Variants in TAFA2 observed in about 807,000 individuals in gnomAD.
The protein encoded by TAFA2 is TAFA chemokine like family member 2, also known as chemokine-like protein TAFA-2.
In TAFA2, 7 loss-of-function variants were observed where a neutral mutation model predicts 18.8. The observed-to-expected ratio is 0.37, with a 90% CI of 0.21 to 0.70. The LOEUF (loss-of-function observed/expected upper bound fraction) is 0.70. TAFA2 is among the 30% of genes least tolerant of loss of function. TAFA2 has a pLI of 0.53. For missense variants in TAFA2, 122 were observed against 158.1 expected (o/e 0.77, Z 1.23); for synonymous variants, 60 against 54.2 (o/e 1.11, Z -0.47).
chr12:62,188,080 C>T (rs2062597739), intron 1 of TAFA2, among the ~76,000 whole-genome samples: 1 of 152,080 alleles, frequency 6.6e-6, no homozygotes, highest in African/African-American at 2.4e-5. Flanking sequence ...CTGGTTTGGC[C>T]TTCATATCTA....
At chr12:62,225,134 G>A (rs934617273) in intron 1 of TAFA2, among the ~76,000 whole-genome samples, 2 of 151,924 alleles carry the variant, frequency 1.3e-5, no homozygotes, top group African/African-American at 2.4e-5. Context: ...GGATGGTGGC[G>A]GGCTTAGTTT....
At chr12:62,039,110 G>A (rs1881690003) in intron 1 of TAFA2, among the ~76,000 whole-genome samples, 1 of 152,188 alleles carries the variant, frequency 6.6e-6, no homozygotes, top group South Asian at 2.1e-4. Context: ...TGAGACGTCA[G>A]TGCAGGGAAA....
At chr12:61,838,502 C>T (rs774332406) in intron 2 of TAFA2, among the ~76,000 whole-genome samples, 24 of 152,062 alleles carry the variant, frequency 1.6e-4, no homozygotes, top group Non-Finnish European at 2.8e-4. Context: ...AAGAATCCTT[C>T]GGGATGGAAA....
At chr12:61,980,657 C>T (rs576047867) in intron 1 of TAFA2, among the ~76,000 whole-genome samples, 22 of 152,274 alleles carry the variant, frequency 1.4e-4, no homozygotes, top group Admixed American at 3.3e-4. Flanking sequence ...TTCCTATACA[C>T]CATTAACAGA....
intron 1 of TAFA2, among the ~76,000 whole-genome samples, chr12:62,180,391 C>G (rs934701628): frequency 6.6e-6 from 1 of 152,054 alleles, no homozygotes; most frequent in African/African-American, 2.4e-5. Context: ...ATCAGAGAAT[C>G]CCAAAAATAT....
At chr12:62,047,529 A>G (rs1198567452) in intron 1 of TAFA2, among the ~76,000 whole-genome samples, 3 of 152,194 alleles carry the variant, frequency 2.0e-5, no homozygotes, top group Non-Finnish European at 2.9e-5. Flanking sequence ...GTTAGATGCC[A>G]GGTTTATTTG....
chr12:62,181,710 G>T (rs7312872), intron 1 of TAFA2, among the ~76,000 whole-genome samples: 3,525 of 152,102 alleles, frequency 0.023, 141 homozygotes, highest in African/African-American at 0.079. Context: ...CTTGTGACAT[G>T]AGGTCCTAGA....
At chr12:61,732,210 A>C (rs1870482394) in intron 4 of TAFA2, among the ~76,000 whole-genome samples, 1 of 152,092 alleles carries the variant, frequency 6.6e-6, no homozygotes, top group South Asian at 2.1e-4. Flanking sequence ...TTTTAGGCAG[A>C]GGTAACAGCA....
At chr12:62,151,242 A>T (rs1229242118) in intron 1 of TAFA2, among the ~76,000 whole-genome samples, 3 of 151,968 alleles carry the variant, frequency 2.0e-5, no homozygotes, top group Non-Finnish European at 2.9e-5. Flanking sequence ...ATCAGTACCT[A>T]TCTTGCTTGC....
intron 1 of TAFA2, among the ~76,000 whole-genome samples, chr12:62,173,686 C>G (rs2062493959): frequency 6.6e-6 from 1 of 152,192 alleles, no homozygotes; most frequent in African/African-American, 2.4e-5. Flanking sequence ...AGTTTCTGAT[C>G]TATATGAACC....
chr12:61,859,607 CTAA>C (rs1565659181), intron 2 of TAFA2, among the ~76,000 whole-genome samples: 10 of 152,132 alleles, frequency 6.6e-5, no homozygotes, highest in African/African-American at 2.4e-4. Flanking sequence ...CCATGCCCAG[CTAA>C]TCTTTGTATT....
At chr12:62,035,152 T>G (rs1010459524) in intron 1 of TAFA2, among the ~76,000 whole-genome samples, 2 of 152,208 alleles carry the variant, frequency 1.3e-5, no homozygotes, top group Non-Finnish European at 1.5e-5. Context: ...TGGGTCTAAT[T>G]CTTTGTAAAT....
In TAFA2 at chr12:62,167,954, T is replaced by A. The variant is rs549477104; in HGVS notation, c.-2+23305A>T. ...AATATCTGCAATGGATTGAAATACA[T>A]GAAATATGGCTAAATTCTATAAATT... is the stretch of plus-strand genomic sequence containing the variant. On this transcript the variant is annotated intron_variant, in intron 1 of 4. Transcript: ENST00000416284. Among the ~76,000 whole-genome samples, 22 of 152,324 alleles carry A rather than the reference T, an allele frequency of 1.4e-4. 1 individual carries two copies. The East Asian group carries it at 4.0e-3, about 28-fold the overall frequency.
intron 2 of TAFA2, among the ~76,000 whole-genome samples, chr12:61,825,890 TCCTATC>T (rs2121070546): frequency 6.6e-6 from 1 of 152,156 alleles, no homozygotes; most frequent in South Asian, 2.1e-4. Context: ...AAAAAAGACC[TCCTATC>T]CCTATTTAAG....
intron 2 of TAFA2, among the ~76,000 whole-genome samples, chr12:61,773,059 A>T (rs141051857): frequency 1.9e-3 from 285 of 152,112 alleles, no homozygotes; most frequent in African/African-American, 6.6e-3. Context: ...CTATACACCA[A>T]CAGTGACCAA....
chr12:61,853,446 AT>A (rs1873760467), intron 2 of TAFA2, among the ~76,000 whole-genome samples: 3 of 151,186 alleles, frequency 2.0e-5, no homozygotes. Flanking sequence ...TAGTGTTTTA[AT>A]TTTTGATGGC....
chr12:62,033,686 A>T (rs1175046253), intron 1 of TAFA2, among the ~76,000 whole-genome samples: 1 of 151,488 alleles, frequency 6.6e-6, no homozygotes, highest in African/African-American at 2.4e-5. Flanking sequence ...TAAACATGTT[A>T]TATATATATA....
chr12:61,904,804 T>C (rs1876270594), intron 1 of TAFA2, among the ~76,000 whole-genome samples: 1 of 152,156 alleles, frequency 6.6e-6, no homozygotes, highest in South Asian at 2.1e-4. Context: ...GATTTGGGCA[T>C]AAAATGAATG....
intron 1 of TAFA2, among the ~76,000 whole-genome samples, chr12:61,984,043 T>C (rs1013017751): frequency 2.0e-5 from 3 of 152,112 alleles, no homozygotes; most frequent in African/African-American, 7.2e-5. Flanking sequence ...CCTGACACAC[T>C]CATATAAACA....
Sources: allele counts gnomAD v4.1 joint callset (sites outside exome capture counted in the v4.1 genomes callset), GRCh38; gene constraint gnomAD v4.1.1; transcripts MANE v1.5; gene names NCBI Gene and HGNC (gene_info 2026-07-23, HGNC 2026-07-21).